The following CCDC171 variants were observed in gnomAD, a reference collection of about 807,000 sequenced individuals.
CCDC171 encodes coiled-coil domain containing 171.
In CCDC171, 177 loss-of-function variants were observed where a neutral mutation model predicts 168.2. That is an observed-to-expected ratio of 1.05 (90% confidence interval 0.93 to 1.19). The LOEUF is 1.19. CCDC171 is among the 50% of genes most tolerant of loss of function. CCDC171 has a pLI of 0.00. For synonymous variants in CCDC171, 687 were observed against 540.8 expected (o/e 1.27, Z -3.75); for missense variants, 1,991 against 1,539.0 (o/e 1.29, Z -4.91).
At chr9:15,823,172 C>T (rs543077424) in intron 21 of CCDC171, among the ~76,000 whole-genome samples, 1 of 151,856 alleles carries the variant, frequency 6.6e-6, no homozygotes, top group Admixed American at 6.6e-5. Context: ...AAATCACACA[C>T]CGGGTTTGTT....
intron 23 of CCDC171, among the ~76,000 whole-genome samples, chr9:15,849,710 A>G (rs950080890): frequency 6.6e-6 from 1 of 151,806 alleles, no homozygotes; most frequent in African/African-American, 2.4e-5. Flanking sequence ...TAAGTACTTT[A>G]AAGATACATG....
At chr9:15,639,144 T>A (rs1564111675) in intron 7 of CCDC171, among the ~76,000 whole-genome samples, 1 of 152,074 alleles carries the variant, frequency 6.6e-6, no homozygotes, top group Non-Finnish European at 1.5e-5. Context: ...TTACCTTTCA[T>A]AATTGTTGAT....
At chr9:15,794,300 A>G (rs1169704006) in intron 21 of CCDC171, among the ~76,000 whole-genome samples, 3 of 152,100 alleles carry the variant, frequency 2.0e-5, no homozygotes, top group Non-Finnish European at 4.4e-5. Context: ...CCCCGTCTCT[A>G]CTAAAAATAC....
At chr9:15,557,112 T>G (rs200040049) in intron 1 of CCDC171, among the ~76,000 whole-genome samples, 2 of 152,104 alleles carry the variant, frequency 1.3e-5, no homozygotes, top group African/African-American at 2.4e-5. Context: ...ATCTGTTTTG[T>G]TACCAGTACC....
the CCDC171 span, among the ~76,000 whole-genome samples, chr9:16,078,081 C>T: frequency 1.3e-5 from 2 of 148,182 alleles, no homozygotes; most frequent in African/African-American, 5.3e-5. Flanking sequence ...CACACACACA[C>T]ACACACACAC....
chr9:15,667,961 A>C (rs1378010238), intron 9 of CCDC171, among the ~76,000 whole-genome samples: 1 of 152,160 alleles, frequency 6.6e-6, no homozygotes, highest in African/African-American at 2.4e-5. Context: ...CATTTAATAC[A>C]TTTGAATGTA....
intron 8 of CCDC171, among the ~76,000 whole-genome samples, chr9:16,036,748 T>C (rs896285012): frequency 8.5e-5 from 13 of 152,246 alleles, no homozygotes; most frequent in African/African-American, 3.1e-4. Flanking sequence ...AATGCCTTAC[T>C]TGGGTTTGAG....
intron 10 of CCDC171, among the ~76,000 whole-genome samples, chr9:15,693,959 A>G (rs2051018847): frequency 6.6e-6 from 1 of 152,048 alleles, no homozygotes; most frequent in African/African-American, 2.4e-5. Context: ...TCTTTAACCT[A>G]TTCCAGTCTG....
At chr9:15,623,472 C>T (rs1000687970) in intron 7 of CCDC171, 59 bp downstream of exon 7, 27 of 736,534 alleles carry the variant, frequency 3.7e-5, no homozygotes, top group Admixed American at 1.0e-4. Flanking sequence ...TATGCGCGCG[C>T]GCGCACACAC....
chr9:15,651,344 G>C (rs1185369706), intron 7 of CCDC171, among the ~76,000 whole-genome samples: 1 of 151,780 alleles, frequency 6.6e-6, no homozygotes, highest in Admixed American at 6.6e-5. Context: ...CCTGACCTCA[G>C]GTGATCTGCC....
intron 18 of CCDC171, among the ~76,000 whole-genome samples, chr9:15,750,000 A>T (rs1314884005): frequency 6.6e-6 from 1 of 151,146 alleles, no homozygotes; most frequent in Non-Finnish European, 1.5e-5. Flanking sequence ...ATAGAGACAC[A>T]AAAAAACCCT....
intron 21 of CCDC171, among the ~76,000 whole-genome samples, chr9:15,830,005 C>T (rs1039651362): frequency 2.0e-5 from 3 of 152,144 alleles, no homozygotes; most frequent in Admixed American, 2.0e-4. Flanking sequence ...AATGAGATTA[C>T]TAATGATAAT....
intron 6 of CCDC171, among the ~76,000 whole-genome samples, chr9:15,599,776 C>G (rs2042684175): frequency 1.3e-5 from 2 of 152,168 alleles, no homozygotes; most frequent in South Asian, 4.1e-4. Context: ...CCGTCACTTT[C>G]AGGTACACCC....
At chr9:15,651,351 T>A (rs968221130) in intron 7 of CCDC171, among the ~76,000 whole-genome samples, 1 of 151,966 alleles carries the variant, frequency 6.6e-6, no homozygotes, top group Non-Finnish European at 1.5e-5. Flanking sequence ...TCAGGTGATC[T>A]GCCTGCCTCG....
In CCDC171 at chr9:15,669,973, A is replaced by G. The variant is rs1355793575; in HGVS notation, c.1076+3650A>G. ...GTCTTAAAAAAAAAAAAAAAAAAAA[A>G]AGAATGGGACTCCAGTAGGAAAGAA... On this transcript the variant is annotated intron_variant, in intron 9 of 25. Coordinates refer to ENST00000380701, the MANE Select transcript of CCDC171 (RefSeq NM_173550.4). Among the ~76,000 whole-genome samples the G allele has an allele frequency of 3.4e-5, 5 of 146,204 alleles. No homozygotes were observed. The East Asian group carries it at 9.9e-4, about 29-fold the overall frequency.
chr9:16,035,773 C>A (rs1172501975), intron 7 of CCDC171, among the ~76,000 whole-genome samples: 16 of 152,256 alleles, frequency 1.1e-4, no homozygotes, highest in Non-Finnish European at 2.9e-5. Context: ...ATATTTGTTT[C>A]AACAAATATT....
intron 21 of CCDC171, among the ~76,000 whole-genome samples, chr9:15,817,849 G>C (rs1303446885): frequency 1.7e-5 from 2 of 117,934 alleles, no homozygotes; most frequent in East Asian, 2.1e-4. Context: ...GAGAGTAGTG[G>C]TTCTCCCAGC....
At chr9:15,692,000 T>C (rs1261713871) in intron 10 of CCDC171, among the ~76,000 whole-genome samples, 1 of 152,188 alleles carries the variant, frequency 6.6e-6, no homozygotes, top group East Asian at 1.9e-4. Flanking sequence ...GTCTGTGCTT[T>C]GCTAATTTCC....
chr9:15,578,559 C>A (rs1297854679), intron 3 of CCDC171, among the ~76,000 whole-genome samples: 1 of 151,074 alleles, frequency 6.6e-6, no homozygotes, highest in Non-Finnish European at 1.5e-5. Flanking sequence ...AGTGAGCCAC[C>A]GTGCCTGGCC....
Sources: allele counts gnomAD v4.1 joint callset (sites outside exome capture counted in the v4.1 genomes callset), GRCh38; gene constraint gnomAD v4.1.1; transcripts MANE v1.5; gene names NCBI Gene and HGNC (gene_info 2026-07-23, HGNC 2026-07-21).